The following RTF1 variants were observed in gnomAD, a reference collection of about 807,000 sequenced individuals.
RTF1 encodes RNA polymerase-associated protein RTF1 homolog.
In RTF1, 10 loss-of-function variants were observed where a neutral mutation model predicts 95.7. The ratio of observed to expected loss-of-function variants is 0.10; its 90% CI spans 0.06 to 0.18. The LOEUF is 0.18. Ranked by LOEUF, RTF1 falls within the 10% of genes least tolerant of loss-of-function variation. The probability of loss-of-function intolerance (pLI) is 1.00; values close to 1 mark genes in which losing one functional copy is unlikely to be tolerated. For synonymous variants in RTF1, 305 were observed against 311.8 expected (o/e 0.98, Z 0.23); for missense variants, 458 against 875.6 (o/e 0.52, Z 6.02).
intron 3 of RTF1, 67 bp downstream of exon 3, chr15:41,453,115 G>A: frequency 7.3e-7 from 1 of 1,369,160 alleles, no homozygotes; most frequent in Non-Finnish European, 9.8e-7. Context: ...TGCAAAGGCA[G>A]AAGTGGGGAG....
intron 2 of RTF1, among the ~76,000 whole-genome samples, chr15:41,448,539 A>G (rs2050774194): frequency 6.6e-6 from 1 of 151,736 alleles, no homozygotes; most frequent in Non-Finnish European, 1.5e-5. Flanking sequence ...TAGTGGCTCT[A>G]CTAACCCTGT....
At chr15:41,418,771 C>T (rs1240732409) in intron 1 of RTF1, among the ~76,000 whole-genome samples, 2 of 119,942 alleles carry the variant, frequency 1.7e-5, no homozygotes, top group Admixed American at 9.7e-5. Flanking sequence ...GCAACAAGAG[C>T]GAAACTCCAT....
At chr15:41,478,253 T>C (rs1201553695) in intron 14 of RTF1, among the ~76,000 whole-genome samples, 3 of 151,716 alleles carry the variant, frequency 2.0e-5, no homozygotes, top group African/African-American at 7.3e-5. Context: ...ATACAAAAAT[T>C]AGCTGGGTTT....
chr15:41,452,925 A>T lies in RTF1; in HGVS notation c.334A>T (p.Lys112Ter). ...DEWTFGSNKNKKKGKARKIEK... is the reference protein window; with the variant it reads ...DEWTFGSNKN ...GTGGACATTTGGGAGCAATAAAAAT[A>T]AGAAGAAAGGAAAAGCCAGAAAAAT... Residue 112 changes from lysine to a stop codon, truncating the protein, a stop_gained, in exon 3 of 18, where the codon AAG becomes TAG. Transcript: ENST00000389629. LOFTEE classifies it high-confidence loss of function. The T allele has an allele frequency of 6.2e-7, 1 of 1,608,174 alleles. No homozygotes were observed. Among genetic ancestry groups the T allele is most frequent in the Non-Finnish European group, 8.5e-7 (1 of 1,178,144 alleles).
intron 4 of RTF1, among the ~76,000 whole-genome samples, chr15:41,461,026 C>T (rs2140962311): frequency 6.6e-6 from 1 of 151,570 alleles, no homozygotes; most frequent in Non-Finnish European, 1.5e-5. Context: ...CAGGCATGCG[C>T]CACTATGTCA....
chr15:41,464,907 A>AT, intron 5 of RTF1, 22 bp downstream of exon 5: 1 of 1,512,578 alleles, frequency 6.6e-7, no homozygotes, highest in African/African-American at 1.4e-5. Flanking sequence ...AGTGTTCCTC[A>AT]TTGTCCAAAG....
intron 1 of RTF1, among the ~76,000 whole-genome samples, chr15:41,420,137 A>G (rs2050592924): frequency 6.6e-6 from 1 of 152,142 alleles, no homozygotes; most frequent in South Asian, 2.1e-4. Flanking sequence ...GCAATTTTAA[A>G]TCCAATTCTA....
chr15:41,420,625 G>A (rs573774011), intron 1 of RTF1, among the ~76,000 whole-genome samples: 21 of 152,170 alleles, frequency 1.4e-4, no homozygotes, highest in African/African-American at 5.1e-4. Context: ...TCGTAAGGAG[G>A]CCTTTTGTCC....
chr15:41,443,955 C>T (rs1275023845), intron 2 of RTF1, among the ~76,000 whole-genome samples: 1 of 151,688 alleles, frequency 6.6e-6, no homozygotes, highest in Admixed American at 6.6e-5. Flanking sequence ...GTAGTCCCAG[C>T]TACTCTGGAG....
In RTF1 at chr15:41,427,716, G is replaced by A. The variant is rs933203181; in HGVS notation, c.198+10403G>A. ...AGTAATAATAATTATGCCGATGCTC[G>A]CCTGACAGAGTAGGCACTTAATAAA... On this transcript the variant is annotated intron_variant, in intron 1 of 17. Coordinates refer to ENST00000389629, the MANE Select transcript of RTF1 (RefSeq NM_015138.5). 2.0e-5 allele frequency among the ~76,000 whole-genome samples: 3 copies of A among 152,202 alleles called. No individual in the cohort carries two copies. In the South Asian group the frequency reaches 6.2e-4, roughly 32 times the overall value.
intron 8 of RTF1, 71 bp from the exon 9 acceptor site, chr15:41,474,549 G>A (rs1311205593): frequency 7.5e-6 from 8 of 1,066,788 alleles, no homozygotes; most frequent in Admixed American, 5.1e-5. Context: ...GTAGAGAGAC[G>A]CAAAGGAAGA....
chr15:41,417,132 G>C lies in RTF1; in HGVS notation c.17G>C (p.Cys6Ser). 1.6e-6 allele frequency: 2 copies of C among 1,253,372 alleles called. No individual in the cohort carries two copies. Among genetic ancestry groups the C allele is most frequent in the Non-Finnish European group, 2.0e-6 (2 of 995,098 alleles). The allele number at this position is 1,253,372 out of a possible 1,614,324, so 77.6% of individuals were successfully genotyped here. MRGRL[C>S]VGRAAAAAAA... ...GGAGCGCGCATGCGCGGTCGCCTTT[G>C]TGTGGGTCGAGCAGCGGCGGCGGCG... is the stretch of plus-strand genomic sequence containing the variant. Residue 6 changes from cysteine to serine, a missense_variant, in exon 1 of 18, where the codon TGT (cysteine) becomes TCT (serine). Coordinates refer to ENST00000389629, the MANE Select transcript of RTF1 (RefSeq NM_015138.5).
chr15:41,426,134 A>AT (rs200045462), intron 1 of RTF1, among the ~76,000 whole-genome samples: 5 of 151,372 alleles, frequency 3.3e-5, no homozygotes, highest in East Asian at 3.9e-4. Context: ...AAAAAAAAAA[A>AT]TTTTTTTTGG....
rs151184767 is a variant in RTF1 at position 41,423,061 on chromosome 15, C to T, written c.198+5748C>T. Among the ~76,000 whole-genome samples the T allele has an allele frequency of 1.5e-4, 23 of 152,202 alleles. No individual in the cohort carries two copies. The South Asian group carries it at 2.3e-3, about 15-fold the overall frequency. The stretch of plus-strand genomic sequence containing the variant: ...TGTTGGGATTACAGGCGTGAACCAC[C>T]GTGCCCGGCCAGCCCTGTAAGTATT... On this transcript the variant is annotated intron_variant, in intron 1 of 17. Transcript: ENST00000389629.
intron 1 of RTF1, among the ~76,000 whole-genome samples, chr15:41,430,918 A>G (rs527544877): frequency 5.6e-4 from 85 of 151,526 alleles, no homozygotes; most frequent in African/African-American, 2.0e-3. Flanking sequence ...TTTTTTTTGT[A>G]TTGAGACAGA....
chr15:41,423,459 C>T (rs2050613074), intron 1 of RTF1, among the ~76,000 whole-genome samples: 1 of 151,876 alleles, frequency 6.6e-6, no homozygotes, highest in African/African-American at 2.4e-5. Context: ...TAGCCTCCGC[C>T]TCTAGGTTCA....
chr15:41,471,156 C>T lies in RTF1; in HGVS notation c.1026-16C>T. ...TATGATGAACATTTTTTCCAGTGCC[C>T]CTTTGTTCCTCTTAGGAAAGAAGAG... On this transcript the variant is annotated splice_polypyrimidine_tract_variant and intron_variant, in intron 7 of 17. Coordinates refer to ENST00000389629, the MANE Select transcript of RTF1 (RefSeq NM_015138.5). 2 of 1,578,734 alleles carry T rather than the reference C, an allele frequency of 1.3e-6. No individual in the cohort carries two copies. Among genetic ancestry groups the T allele is most frequent in the Non-Finnish European group, 8.6e-7 (1 of 1,164,960 alleles).
chr15:41,432,623 C>T (rs958377105), intron 1 of RTF1, among the ~76,000 whole-genome samples: 2 of 152,056 alleles, frequency 1.3e-5, no homozygotes, highest in East Asian at 3.9e-4. Context: ...CCAAATTTCT[C>T]TTATAACGAA....
At chr15:41,472,968 T>C (rs1282367642) in intron 8 of RTF1, among the ~76,000 whole-genome samples, 1 of 152,038 alleles carries the variant, frequency 6.6e-6, no homozygotes, top group Non-Finnish European at 1.5e-5. Flanking sequence ...CCCAAAGTGC[T>C]GGGATTACAG....
Sources: gnomAD v4.1 joint callset for allele counts (sites outside exome capture counted in the v4.1 genomes callset) on GRCh38, gnomAD v4.1.1 for gene constraint, MANE v1.5 for transcripts, NCBI Gene and HGNC (gene_info 2026-07-23, HGNC 2026-07-21) for gene names.